Variants in EYS observed in about 807,000 individuals in gnomAD.
EYS encodes the protein protein eyes shut homolog.
In EYS, 250 loss-of-function variants were observed where a neutral mutation model predicts 282.1. That is an observed-to-expected ratio of 0.89 (90% CI 0.80 to 0.98). The LOEUF (loss-of-function observed/expected upper bound fraction) is 0.98, where lower values mean the gene tolerates loss of function less well. EYS is among the 50% of genes least tolerant of loss of function. The pLI, the probability that EYS is intolerant of heterozygous loss-of-function variation, is 0.00. For synonymous variants in EYS, 1,355 were observed against 1,282.9 expected, an observed-to-expected ratio of 1.06 and a Z score of -1.20; for missense variants, 4,016 against 3,709.0, an observed-to-expected ratio of 1.08 and a Z score of -2.15.
intron 22 of EYS, among the ~76,000 whole-genome samples, chr6:64,660,545 G>T (rs1309968006): frequency 1.8e-4 from 28 of 152,098 alleles, no homozygotes; most frequent in African/African-American, 2.4e-5. Flanking sequence ...AAAGTCTCAG[G>T]ATACAAAAGC....
At chr6:64,045,151 T>C (rs1285942811) in intron 33 of EYS, among the ~76,000 whole-genome samples, 1 of 152,142 alleles carries the variant, frequency 6.6e-6, no homozygotes, top group Non-Finnish European at 1.5e-5. Context: ...GTGAGTCGTC[T>C]CCATGACTAT....
chr6:65,385,219 A>G (rs1243320786), intron 7 of EYS, among the ~76,000 whole-genome samples: 1 of 151,912 alleles, frequency 6.6e-6, no homozygotes, highest in Non-Finnish European at 1.5e-5. Flanking sequence ...AAATATTTTA[A>G]GACCAAAAAT....
chr6:65,043,693 T>G (rs571419721), intron 13 of EYS, among the ~76,000 whole-genome samples: 1 of 151,466 alleles, frequency 6.6e-6, no homozygotes, highest in Non-Finnish European at 1.5e-5. Context: ...GTTCTCCCTA[T>G]AGGTTAATCA....
intron 12 of EYS, among the ~76,000 whole-genome samples, chr6:65,085,040 T>TTA (rs1561957742): frequency 6.6e-6 from 1 of 152,130 alleles, no homozygotes; most frequent in African/African-American, 2.4e-5. Flanking sequence ...AGAAAAAAAC[T>TTA]GATTTTTAGT....
chr6:63,871,428 A>T (rs1192794105), intron 35 of EYS, among the ~76,000 whole-genome samples: 1 of 152,154 alleles, frequency 6.6e-6, no homozygotes, highest in Non-Finnish European at 1.5e-5. Context: ...TGGGAGGCTG[A>T]GGTGGGCAGA....
chr6:65,354,537 G>A lies in EYS; in HGVS notation c.1300-920C>T, dbSNP rs979244670. Reference sequence around the variant, plus strand: ...AATGTGAGGAAAAAAAAAAATTGGCGAGGCGTGGTGCCTCATGCCTGTAAT... The same window carrying A: ...AATGTGAGGAAAAAAAAAAATTGGCAAGGCGTGGTGCCTCATGCCTGTAAT... On this transcript the variant is annotated intron_variant, in intron 8 of 42. Coordinates refer to ENST00000503581, the MANE Select transcript of EYS (RefSeq NM_001142800.2). 3.9e-4 allele frequency among the ~76,000 whole-genome samples: 60 copies of A among 152,050 alleles called. 1 individual carries two copies. The highest frequency in any genetic ancestry group is 1.3e-4 in the Non-Finnish European group (9 of 67,966).
chr6:65,469,455 A>G (rs997628725), intron 5 of EYS, among the ~76,000 whole-genome samples: 2 of 152,100 alleles, frequency 1.3e-5, no homozygotes, highest in Non-Finnish European at 2.9e-5. Context: ...TTTTAAGGAC[A>G]TAATGTTTTC....
intron 28 of EYS, among the ~76,000 whole-genome samples, chr6:64,417,153 TAC>T (rs1774081723): frequency 6.6e-6 from 1 of 152,224 alleles, no homozygotes; most frequent in Admixed American, 6.5e-5. Flanking sequence ...TGAAAAGCTA[TAC>T]ACATATATTT....
intron 35 of EYS, among the ~76,000 whole-genome samples, chr6:63,921,494 T>C (rs1407580759): frequency 6.6e-6 from 1 of 152,222 alleles, no homozygotes; most frequent in African/African-American, 2.4e-5. Flanking sequence ...GGTTTTGTGA[T>C]TGGGTGACTG....
intron 37 of EYS, among the ~76,000 whole-genome samples, chr6:63,798,985 G>GTATATATATATATATATATATATA (rs1211498823): frequency 2.3e-5 from 2 of 87,568 alleles, no homozygotes; most frequent in African/African-American, 1.1e-4. Context: ...ATGTATATGT[G>GTATATATATATATATATATATATA]TGTATATATA....
chr6:65,113,026 C>T (rs1775258387), intron 12 of EYS, among the ~76,000 whole-genome samples: 1 of 151,896 alleles, frequency 6.6e-6, no homozygotes, highest in Non-Finnish European at 1.5e-5. Context: ...ATATAAAATG[C>T]CAGGAAAATT....
At chr6:65,185,102 T>C (rs948777607) in intron 12 of EYS, among the ~76,000 whole-genome samples, 4 of 151,766 alleles carry the variant, frequency 2.6e-5, no homozygotes, top group African/African-American at 4.8e-5. Context: ...TATATTGATA[T>C]AACATTTCAT....
chr6:65,668,626 A>G (rs937013816), intron 1 of EYS, among the ~76,000 whole-genome samples: 1 of 151,920 alleles, frequency 6.6e-6, no homozygotes, highest in African/African-American at 2.4e-5. Context: ...ATTAAAAACT[A>G]TATAAAATTC....
chr6:64,816,453 TG>T (rs1204697646), intron 21 of EYS, among the ~76,000 whole-genome samples: 1 of 152,036 alleles, frequency 6.6e-6, no homozygotes, highest in African/African-American at 2.4e-5. Context: ...AAAAAGAGTC[TG>T]GAAAAGGAAA....
chr6:64,179,762 A>T (rs1436418322), intron 31 of EYS, among the ~76,000 whole-genome samples: 1 of 152,060 alleles, frequency 6.6e-6, no homozygotes, highest in Non-Finnish European at 1.5e-5. Flanking sequence ...TCAGACAGAA[A>T]TTGGTACTGA....
chr6:65,517,666 C>A (rs531789253), intron 2 of EYS, among the ~76,000 whole-genome samples: 9 of 152,038 alleles, frequency 5.9e-5, no homozygotes, highest in Admixed American at 2.0e-4. Context: ...AAAATTTACA[C>A]TTGGAAATTA....
intron 29 of EYS, among the ~76,000 whole-genome samples, chr6:64,344,547 CT>C (rs1236131823): frequency 3.5e-4 from 53 of 151,962 alleles, no homozygotes; most frequent in African/African-American, 1.2e-3. Flanking sequence ...TGGGATGTAT[CT>C]CAAAATAATA....
chr6:65,331,159 A>T (rs1310326307), intron 11 of EYS: 4 of 883,040 alleles, frequency 4.5e-6, no homozygotes, highest in Non-Finnish European at 5.4e-6. Flanking sequence ...AAATATATAT[A>T]ACATGATAAT....
intron 8 of EYS, among the ~76,000 whole-genome samples, chr6:65,363,387 T>C (rs1338092032): frequency 6.6e-6 from 1 of 151,978 alleles, no homozygotes; most frequent in Non-Finnish European, 1.5e-5. Flanking sequence ...CAATTAAATA[T>C]ATAGCTTTAG....
Sources: gnomAD v4.1 joint callset for allele counts (sites outside exome capture counted in the v4.1 genomes callset) on GRCh38, gnomAD v4.1.1 for gene constraint, MANE v1.5 for transcripts, NCBI Gene and HGNC (gene_info 2026-07-23, HGNC 2026-07-21) for gene names.